GRM8: variants seen among roughly 807,000 people sequenced by gnomAD.
GRM8 encodes the protein glutamate metabotropic receptor 8.
A neutral mutation model predicts 87.2 loss-of-function variants in GRM8; 47 were observed. The observed-to-expected ratio is 0.54, with a 90% CI of 0.43 to 0.69. The LOEUF (loss-of-function observed/expected upper bound fraction) is 0.69, where lower values mean the gene tolerates loss of function less well. Among genes scored for constraint, GRM8 ranks in the 30% least tolerant of loss-of-function variants. The pLI is 0.00. For missense variants in GRM8, 1,019 were observed against 1,139.2 expected (o/e 0.89, Z 1.52); for synonymous variants, 396 against 404.5 (o/e 0.98, Z 0.25).
At chr7:126,590,844 G>A (rs1239635943) in intron 8 of GRM8, among the ~76,000 whole-genome samples, 1 of 152,034 alleles carries the variant, frequency 6.6e-6, no homozygotes. Context: ...CCACTACCAA[G>A]CCAGCACTGT....
chr7:126,463,957 CTG>C (rs1277935528), intron 9 of GRM8, among the ~76,000 whole-genome samples: 1 of 151,524 alleles, frequency 6.6e-6, no homozygotes, highest in Non-Finnish European at 1.5e-5. Context: ...TGCCATTATG[CTG>C]TGTTTCTACT....
intron 8 of GRM8, among the ~76,000 whole-genome samples, chr7:126,585,504 A>G (rs1406977478): frequency 6.6e-6 from 1 of 152,080 alleles, no homozygotes; most frequent in East Asian, 1.9e-4. Flanking sequence ...CAGGATAATT[A>G]GTTGCCTGAG....
At chr7:126,901,428 C>G (rs1426718646) in intron 6 of GRM8, among the ~76,000 whole-genome samples, 1 of 152,192 alleles carries the variant, frequency 6.6e-6, no homozygotes, top group Admixed American at 6.5e-5. Context: ...TCCATCTCCC[C>G]ACACTCAAAT....
At chr7:126,598,400 A>G (rs990913067) in intron 8 of GRM8, among the ~76,000 whole-genome samples, 3 of 152,080 alleles carry the variant, frequency 2.0e-5, no homozygotes, top group African/African-American at 7.2e-5. Context: ...AGTTTTGTAT[A>G]TTCTTAAAAT....
At chr7:126,605,012 C>G (rs1798206577) in intron 8 of GRM8, among the ~76,000 whole-genome samples, 1 of 151,968 alleles carries the variant, frequency 6.6e-6, no homozygotes, top group East Asian at 1.9e-4. Flanking sequence ...ATGTTGAAAC[C>G]AATAAAAACA....
chr7:127,032,637 C>T (rs1439811941), intron 3 of GRM8, among the ~76,000 whole-genome samples: 1 of 151,948 alleles, frequency 6.6e-6, no homozygotes, highest in Non-Finnish European at 1.5e-5. Context: ...GATAAATAGC[C>T]CAAATCTTTA....
At chr7:126,465,185 T>G (rs1464555008) in intron 9 of GRM8, 5 of 151,762 alleles carry the variant, frequency 3.3e-5, no homozygotes, top group African/African-American at 1.2e-4. Context: ...TTTCCATCCT[T>G]GTATCAATAC....
chr7:127,034,279 A>G (rs1345400879), intron 3 of GRM8, among the ~76,000 whole-genome samples: 2 of 152,218 alleles, frequency 1.3e-5, no homozygotes, highest in Non-Finnish European at 1.5e-5. Context: ...TGGCAATACT[A>G]TTCCCTATTG....
intron 2 of GRM8, among the ~76,000 whole-genome samples, chr7:127,134,221 C>A (rs1827839012): frequency 6.6e-6 from 1 of 152,164 alleles, no homozygotes. Flanking sequence ...GATTTAACTT[C>A]CGGGCAAATC....
intron 1 of GRM8, among the ~76,000 whole-genome samples, chr7:127,245,912 T>A (rs1164204905): frequency 6.6e-6 from 1 of 152,248 alleles, no homozygotes; most frequent in Non-Finnish European, 1.5e-5. Flanking sequence ...AAGCATAGTA[T>A]CTGGCTCATT....
intron 7 of GRM8, among the ~76,000 whole-genome samples, chr7:126,617,643 A>C (rs1462613251): frequency 7.2e-5 from 11 of 152,338 alleles, no homozygotes; most frequent in East Asian, 5.8e-4. Flanking sequence ...GTCTCAGCCC[A>C]AAATCTCCTT....
At chr7:126,705,637 A>G (rs1475842904) in intron 7 of GRM8, among the ~76,000 whole-genome samples, 2 of 152,182 alleles carry the variant, frequency 1.3e-5, no homozygotes, top group African/African-American at 2.4e-5. Flanking sequence ...GTTAATATAC[A>G]TAGGTTAACA....
intron 7 of GRM8, among the ~76,000 whole-genome samples, chr7:126,634,354 A>AC (rs1294901884): frequency 6.6e-6 from 1 of 150,984 alleles, no homozygotes; most frequent in Admixed American, 6.6e-5. Context: ...GGAAGATCTG[A>AC]CCCCACCTTG....
chr7:126,806,728 G>A (rs1295230392), intron 6 of GRM8, among the ~76,000 whole-genome samples: 1 of 152,230 alleles, frequency 6.6e-6, no homozygotes, highest in Non-Finnish European at 1.5e-5. Context: ...CACCTAGCCA[G>A]CCACTCTGGC....
At chr7:126,998,500 GTATTA>G (rs1481152074) in intron 3 of GRM8, among the ~76,000 whole-genome samples, 4 of 151,678 alleles carry the variant, frequency 2.6e-5, no homozygotes, top group South Asian at 4.1e-4. Context: ...CTTGCAGATG[GTATTA>G]TATTATATTT....
At chr7:126,660,649 G>C (rs1805061454) in intron 7 of GRM8, among the ~76,000 whole-genome samples, 2 of 152,122 alleles carry the variant, frequency 1.3e-5, no homozygotes, top group African/African-American at 4.8e-5. Context: ...ATTAAAATCA[G>C]TATGGCTGAA....
At position 126,627,978 on chromosome 7, in the gene GRM8, T is replaced by G. The variant is rs1585278154; in HGVS notation, c.1358-18480A>C. Among the ~76,000 whole-genome samples the G allele has an allele frequency of 5.3e-5, 8 of 152,350 alleles. 2 individuals are homozygous for G. The highest frequency in any genetic ancestry group is 5.2e-4 in the Admixed American group (8 of 15,302). On this transcript the variant is annotated intron_variant, in intron 7 of 10. Coordinates refer to ENST00000339582, the MANE Select transcript of GRM8 (RefSeq NM_000845.3). ...CTGTAATTTTTGTTTCTTATAATGT[T>G]CTTCTTGTTTGGGTATCAGGTTATA... is the stretch of plus-strand genomic sequence containing the variant.
chr7:127,120,239 C>T (rs1826954538), intron 2 of GRM8, among the ~76,000 whole-genome samples: 1 of 152,196 alleles, frequency 6.6e-6, no homozygotes, highest in Non-Finnish European at 1.5e-5. Context: ...TTTTATACCT[C>T]TCAGTGGCCA....
At chr7:126,952,833 C>T (rs957564438) in intron 3 of GRM8, among the ~76,000 whole-genome samples, 1 of 152,006 alleles carries the variant, frequency 6.6e-6, no homozygotes, top group Non-Finnish European at 1.5e-5. Context: ...TTACAGATTT[C>T]AGGAGACTAA....
Sources: allele counts gnomAD v4.1 joint callset (sites outside exome capture counted in the v4.1 genomes callset), GRCh38; gene constraint gnomAD v4.1.1; transcripts MANE v1.5; gene names NCBI Gene and HGNC (gene_info 2026-07-23, HGNC 2026-07-21).